The following TENM3 variants were observed in gnomAD, a reference collection of about 807,000 sequenced individuals.
TENM3 encodes the protein teneurin-3.
A neutral mutation model predicts 255.1 loss-of-function variants in TENM3; 63 were observed. The observed-to-expected ratio is 0.25, with a 90% confidence interval of 0.20 to 0.30. TENM3 has a LOEUF of 0.30. Ranked by LOEUF, TENM3 falls within the 10% of genes least tolerant of loss-of-function variation. The pLI is 1.00. For missense variants in TENM3, 2,929 were observed against 3,461.1 expected, an observed-to-expected ratio of 0.85 and a Z score of 3.86; for synonymous variants, 1,306 against 1,322.3, an observed-to-expected ratio of 0.99 and a Z score of 0.27.
At chr4:182,249,468 A>G (rs6851027) in intron 1 of TENM3, among the ~76,000 whole-genome samples, 29,302 of 152,214 alleles carry the variant, frequency 0.19, 3,219 homozygotes, top group Middle Eastern at 0.24. Context: ...AGGAGAAACT[A>G]TTATCTCACA....
chr4:182,182,755 T>G (rs1752921865), intron 1 of TENM3, among the ~76,000 whole-genome samples: 1 of 152,218 alleles, frequency 6.6e-6, no homozygotes, highest in Admixed American at 6.5e-5. Flanking sequence ...ATGCCTGCCT[T>G]ATCAGGTTGT....
At chr4:182,043,636 T>A in the TENM3 span, among the ~76,000 whole-genome samples, 1 of 152,178 alleles carries the variant, frequency 6.6e-6, no homozygotes, top group African/African-American at 2.4e-5. Context: ...AAATTAAATT[T>A]TTAGGATAAA....
the TENM3 span, among the ~76,000 whole-genome samples, chr4:181,537,669 T>C: frequency 6.6e-6 from 1 of 152,192 alleles, no homozygotes; most frequent in Non-Finnish European, 1.5e-5. Context: ...ATTAACTTGA[T>C]TTTACAGTTT....
intron 1 of TENM3, among the ~76,000 whole-genome samples, chr4:182,193,522 A>C (rs1244070373): frequency 6.6e-6 from 1 of 152,186 alleles, no homozygotes. Context: ...AGTTTACCAC[A>C]TTTGACCGGA....
At chr4:182,349,208 G>T (rs1337948339) in intron 3 of TENM3, among the ~76,000 whole-genome samples, 1 of 152,172 alleles carries the variant, frequency 6.6e-6, no homozygotes, top group Non-Finnish European at 1.5e-5. Context: ...TTTTCCGAAG[G>T]TTTGGTTGTG....
chr4:181,811,792 C>G, the TENM3 span, among the ~76,000 whole-genome samples: 14 of 152,310 alleles, frequency 9.2e-5, no homozygotes, highest in African/African-American at 3.4e-4. Flanking sequence ...TGGCCCTGTC[C>G]TTGACACTTG....
intron 1 of TENM3, among the ~76,000 whole-genome samples, chr4:182,175,035 G>A (rs549990278): frequency 1.3e-5 from 2 of 152,218 alleles, no homozygotes; most frequent in Admixed American, 1.3e-4. Context: ...CTCTGGGTTT[G>A]CAGGTGTGAG....
At chr4:182,332,621 G>C (rs1763840875) in intron 2 of TENM3, among the ~76,000 whole-genome samples, 1 of 151,746 alleles carries the variant, frequency 6.6e-6, no homozygotes, top group African/African-American at 2.4e-5. Context: ...GTGAACCCGG[G>C]AGGTGGAGGT....
chr4:181,451,873 G>C, the TENM3 span, among the ~76,000 whole-genome samples: 1 of 152,192 alleles, frequency 6.6e-6, no homozygotes, highest in Non-Finnish European at 1.5e-5. Context: ...ATTGAAGCCA[G>C]AATAGTGAAT....
At chr4:181,713,267 G>A in the TENM3 span, among the ~76,000 whole-genome samples, 2 of 152,202 alleles carry the variant, frequency 1.3e-5, no homozygotes, top group African/African-American at 4.8e-5. Context: ...AATAAGAGCA[G>A]GTCTGCATCT....
intron 1 of TENM3, among the ~76,000 whole-genome samples, chr4:182,195,890 C>A (rs1753807596): frequency 6.6e-6 from 1 of 152,204 alleles, no homozygotes; most frequent in Admixed American, 6.5e-5. Flanking sequence ...AAAAAAAATT[C>A]TCTAACCTTG....
the TENM3 span, among the ~76,000 whole-genome samples, chr4:181,941,566 G>A: frequency 5.3e-5 from 8 of 151,916 alleles, no homozygotes; most frequent in South Asian, 4.2e-4. Flanking sequence ...TTGTTTTATC[G>A]CTTTAGTTAT....
chr4:182,616,784 T>C (rs1220262141), intron 4 of TENM3, among the ~76,000 whole-genome samples: 1 of 152,156 alleles, frequency 6.6e-6, no homozygotes, highest in Non-Finnish European at 1.5e-5. Flanking sequence ...TGAATAATTA[T>C]GCTAGATATC....
chr4:181,787,578 G>A, the TENM3 span, among the ~76,000 whole-genome samples: 2 of 152,006 alleles, frequency 1.3e-5, no homozygotes, highest in African/African-American at 4.8e-5. Flanking sequence ...GACCTCAAGT[G>A]ATCTGCCCAC....
chr4:182,758,996 G>C (rs560508870), intron 22 of TENM3, among the ~76,000 whole-genome samples: 35 of 152,278 alleles, frequency 2.3e-4, no homozygotes, highest in African/African-American at 8.2e-4. Flanking sequence ...GCTTTTGTAG[G>C]ATAGAAACAG....
At chr4:182,414,137 A>G (rs1325305511) in intron 3 of TENM3, among the ~76,000 whole-genome samples, 1 of 152,222 alleles carries the variant, frequency 6.6e-6, no homozygotes, top group Admixed American at 6.5e-5. Flanking sequence ...TTGCAAATAA[A>G]TTAATTTCTT....
intron 3 of TENM3, among the ~76,000 whole-genome samples, chr4:182,484,798 T>G (rs1047411870): frequency 6.6e-6 from 1 of 152,176 alleles, no homozygotes; most frequent in African/African-American, 2.4e-5. Context: ...GTTGATACTA[T>G]GTCTGAATTA....
intron 1 of TENM3, among the ~76,000 whole-genome samples, chr4:182,293,012 C>T (rs1237092699): frequency 6.6e-6 from 1 of 152,244 alleles, no homozygotes. Flanking sequence ...GTCATGAACA[C>T]ACTCTAGCTG....
the TENM3 span, among the ~76,000 whole-genome samples, chr4:181,458,651 C>T: frequency 6.6e-6 from 1 of 151,970 alleles, no homozygotes; most frequent in Non-Finnish European, 1.5e-5. Context: ...CTTGAAACTC[C>T]TTATTAATCC....
Sources: gnomAD v4.1 joint callset for allele counts (sites outside exome capture counted in the v4.1 genomes callset) on GRCh38, gnomAD v4.1.1 for gene constraint, MANE v1.5 for transcripts, NCBI Gene and HGNC (gene_info 2026-07-23, HGNC 2026-07-21) for gene names.